Variants in FLRT1 observed in about 807,000 individuals in gnomAD.
FLRT1 encodes leucine-rich repeat transmembrane protein FLRT1.
Under a neutral mutation model 30.9 loss-of-function variants are expected in FLRT1, and 14 were observed. The ratio of observed to expected loss-of-function variants is 0.45; its 90% CI spans 0.30 to 0.71. The LOEUF (loss-of-function observed/expected upper bound fraction) is 0.71. FLRT1 is among the 30% of genes least tolerant of loss of function. FLRT1 has a pLI of 0.08. For synonymous variants in FLRT1, 368 were observed against 430.4 expected, an observed-to-expected ratio of 0.85 and a Z score of 1.80; for missense variants, 737 against 949.2, an observed-to-expected ratio of 0.78 and a Z score of 2.94.
rs558297244 is a variant in FLRT1 at position 64,047,891 on chromosome 11, C to T, written c.-1038+11732C>T. On this transcript the variant is annotated intron_variant, in intron 1 of 2. Transcript: ENST00000682287. ...CAGCCTGGGTGACAAGAGTGAAACT[C>T]CGTCTCAAAAAAAAAAAAAAAAAAG... Among the ~76,000 whole-genome samples the T allele has an allele frequency of 3.8e-3, 538 of 142,612 alleles. 4 individuals are homozygous for T. Among genetic ancestry groups the T allele is most frequent in the African/African-American group, 0.012 (437 of 37,796 alleles). 93.6% of individuals were successfully genotyped at this position (142,612 alleles called of 152,430 possible).
intron 1 of FLRT1, among the ~76,000 whole-genome samples, chr11:64,051,493 G>A (rs1590841325): frequency 6.6e-6 from 1 of 152,180 alleles, no homozygotes; most frequent in African/African-American, 2.4e-5. Flanking sequence ...GCACCCTCTC[G>A]GAAGCCTCGC....
intron 1 of FLRT1, among the ~76,000 whole-genome samples, chr11:64,045,664 C>T (rs1168246966): frequency 6.6e-6 from 1 of 152,176 alleles, no homozygotes; most frequent in Non-Finnish European, 1.5e-5. Context: ...CCTGGGGTCT[C>T]AAAGGCAGGC....
chr11:64,114,391 G>A (rs1565239295), intron 2 of FLRT1, among the ~76,000 whole-genome samples: 1 of 140,262 alleles, frequency 7.1e-6, no homozygotes, highest in Admixed American at 7.2e-5. Context: ...ATGGATGGGT[G>A]AATGGACAGG....
chr11:64,084,737 C>T (rs1334330592), intron 1 of FLRT1, among the ~76,000 whole-genome samples: 4 of 152,200 alleles, frequency 2.6e-5, no homozygotes, highest in Non-Finnish European at 5.9e-5. Context: ...CAGCCCTAGG[C>T]CACACCTCGT....
At chr11:64,106,488 G>GCTTA (rs1944765495) in intron 2 of FLRT1, among the ~76,000 whole-genome samples, 1 of 152,202 alleles carries the variant, frequency 6.6e-6, no homozygotes, top group Admixed American at 6.5e-5. Context: ...TACATTCTAA[G>GCTTA]GGGAGGAGAC....
intron 1 of FLRT1, among the ~76,000 whole-genome samples, chr11:64,094,920 A>G (rs1468934752): frequency 6.6e-6 from 1 of 152,146 alleles, no homozygotes; most frequent in East Asian, 1.9e-4. Context: ...CCAAGAGGGG[A>G]GGTAGCCACA....
intron 1 of FLRT1, among the ~76,000 whole-genome samples, chr11:64,039,868 CTAG>C (rs1156297337): frequency 2.0e-5 from 3 of 152,116 alleles, no homozygotes; most frequent in Non-Finnish European, 4.4e-5. Context: ...GAGCTGGTGG[CTAG>C]TGAGGGTGGG....
At chr11:64,100,423 G>A (rs1019178150) in intron 1 of FLRT1, among the ~76,000 whole-genome samples, 4 of 152,156 alleles carry the variant, frequency 2.6e-5, no homozygotes, top group African/African-American at 9.7e-5. Context: ...CTCAAAAAAT[G>A]GTTTATTGGT....
At chr11:64,043,593 G>A (rs1943529724) in intron 1 of FLRT1, among the ~76,000 whole-genome samples, 1 of 152,204 alleles carries the variant, frequency 6.6e-6, no homozygotes, top group African/African-American at 2.4e-5. Flanking sequence ...GAAAGGGAAA[G>A]CATGGGGCTC....
intron 1 of FLRT1, among the ~76,000 whole-genome samples, chr11:64,091,159 G>T (rs1035011828): frequency 5.0e-5 from 7 of 139,912 alleles, no homozygotes; most frequent in Non-Finnish European, 9.3e-5. Context: ...ATAGAAGAGG[G>T]ATGGGGAGGG....
rs115938457 is a variant in FLRT1, at chr11:64,081,018, C to T, written c.-1037-22176C>T. ...ATTCTGCCATCTTCCCCCAAGGTTA[C>T]ACTTCTTATTTTATTTATTTTGAGA... On this transcript the variant is annotated intron_variant, in intron 1 of 2. Transcript: ENST00000682287. Among the ~76,000 whole-genome samples, 568 of 152,280 alleles carry T rather than the reference C, an allele frequency of 3.7e-3. 5 individuals are homozygous for T. The highest frequency in any genetic ancestry group is 0.013 in the African/African-American group (542 of 41,548).
At chr11:64,113,711 G>A (rs1208273493) in intron 2 of FLRT1, among the ~76,000 whole-genome samples, 4 of 144,610 alleles carry the variant, frequency 2.8e-5, no homozygotes, top group African/African-American at 7.7e-5. Context: ...GGACGGACAG[G>A]TGGATGCATG....
intron 1 of FLRT1, among the ~76,000 whole-genome samples, chr11:64,081,346 G>A (rs1032567930): frequency 5.3e-5 from 8 of 152,148 alleles, no homozygotes; most frequent in Admixed American, 4.6e-4. Context: ...TAAAATCAAT[G>A]ACCATGAACT....
At position 64,116,562 on chromosome 11, in the gene FLRT1, C is replaced by A; in HGVS notation, c.295C>A (p.Pro99Thr). 2 of 1,614,106 alleles carry A rather than the reference C, an allele frequency of 1.2e-6. No homozygotes were observed. The highest frequency in any genetic ancestry group is 1.7e-6 in the Non-Finnish European group (2 of 1,179,978). ...CAACCAGATCAACAACGCCGGCATCCCCCAGGACCTCAAGACCAAGGTCAA... is the reference window on the plus strand; with the variant it reads ...CAACCAGATCAACAACGCCGGCATCACCCAGGACCTCAAGACCAAGGTCAA... ...QNNQINNAGI[P>T]QDLKTKVNVQ... Residue 99 changes from proline (P) to threonine (T), a missense_variant, in exon 3 of 3, where the codon CCC becomes ACC. Transcript: ENST00000682287.
At chr11:64,102,353 G>A (rs1208026382) in intron 1 of FLRT1, among the ~76,000 whole-genome samples, 1 of 148,402 alleles carries the variant, frequency 6.7e-6, no homozygotes, top group Non-Finnish European at 1.5e-5. Flanking sequence ...GGCTGCGGGT[G>A]TTGAGGACTG....
intron 1 of FLRT1, among the ~76,000 whole-genome samples, chr11:64,091,032 G>T (rs979106189): frequency 1.3e-5 from 2 of 149,918 alleles, no homozygotes; most frequent in African/African-American, 4.9e-5. Context: ...GGAGGGAGGG[G>T]AGAAAGAAGA....
intron 1 of FLRT1, among the ~76,000 whole-genome samples, chr11:64,073,652 G>A (rs536945018): frequency 5.9e-5 from 9 of 152,360 alleles, no homozygotes; most frequent in African/African-American, 1.7e-4. Flanking sequence ...CGTCTGGGCC[G>A]GGAGCCTGTG....
intron 1 of FLRT1, among the ~76,000 whole-genome samples, chr11:64,075,218 C>T (rs1944179827): frequency 6.6e-6 from 1 of 152,244 alleles, no homozygotes; most frequent in Non-Finnish European, 1.5e-5. Flanking sequence ...GATCCACATG[C>T]CAGCTCCAGC....
chr11:64,078,007 G>T (rs768929744), intron 1 of FLRT1, among the ~76,000 whole-genome samples: 1 of 152,184 alleles, frequency 6.6e-6, no homozygotes, highest in Non-Finnish European at 1.5e-5. Context: ...GGTCCCAGAC[G>T]CTCTCCCCGT....
Sources: allele counts gnomAD v4.1 joint callset (sites outside exome capture counted in the v4.1 genomes callset), GRCh38; gene constraint gnomAD v4.1.1; transcripts MANE v1.5; gene names NCBI Gene and HGNC (gene_info 2026-07-23, HGNC 2026-07-21).